PIK3CB: variants seen among roughly 807,000 people sequenced by gnomAD.
PIK3CB encodes phosphatidylinositol-4,5-bisphosphate 3-kinase catalytic subunit beta, also known as phosphatidylinositol 4,5-bisphosphate 3-kinase catalytic subunit beta isoform.
In PIK3CB, 39 loss-of-function variants were observed where a neutral mutation model predicts 136.8. That is an observed-to-expected ratio of 0.29 (90% CI 0.22 to 0.37). The LOEUF (loss-of-function observed/expected upper bound fraction) is 0.37. PIK3CB is among the 10% of genes least tolerant of loss of function. The probability of loss-of-function intolerance (pLI) is 1.00; values close to 1 mark genes in which losing one functional copy is unlikely to be tolerated. For synonymous variants in PIK3CB, 428 were observed against 436.6 expected (o/e 0.98, Z 0.25); for missense variants, 868 against 1,275.4 (o/e 0.68, Z 4.87).
At position 138,741,826 on chromosome 3, in the gene PIK3CB, T is replaced by TA. The variant is rs754247884; in HGVS notation, c.621+731dup. 6.2e-3 allele frequency among the ~76,000 whole-genome samples: 804 copies of TA among 129,672 alleles called. 3 individuals carry two copies. The highest frequency in any genetic ancestry group is 0.018 in the African/African-American group (628 of 34,908). The allele number at this position is 129,672 out of a possible 152,430, so 85.1% of individuals were successfully genotyped here. Reference sequence around the variant, plus strand: ...CTGGGCAACAGAGCAAGACTCCGTCTAAAAAAAAAAAAAAAAATCCTTGAG... The same window carrying TA: ...CTGGGCAACAGAGCAAGACTCCGTCTAAAAAAAAAAAAAAAAAATCCTTGAG... On this transcript the variant is annotated intron_variant, in intron 5 of 23. Transcript: ENST00000674063.
chr3:138,815,445 GA>G (rs1933285592), intron 1 of PIK3CB, among the ~76,000 whole-genome samples: 1 of 98,850 alleles, frequency 1.0e-5, no homozygotes, highest in Non-Finnish European at 2.3e-5. Flanking sequence ...AAAAAAAGAA[GA>G]AAGAGAATTA....
intron 1 of PIK3CB, among the ~76,000 whole-genome samples, chr3:138,815,154 A>AG (rs1168476986): frequency 8.2e-6 from 1 of 121,320 alleles, no homozygotes; most frequent in African/African-American, 3.3e-5. Flanking sequence ...AAAAAAAAAA[A>AG]AAAAAAAAAT....
chr3:138,825,809 C>T, intron 1 of PIK3CB: 1 of 971,146 alleles, frequency 1.0e-6, no homozygotes, highest in South Asian at 1.4e-5. Flanking sequence ...ACAACTGAAG[C>T]AGTCTGTTGA....
rs1213425637 is a variant in PIK3CB, at chr3:138,825,754, G to A, written c.-122+8941C>T. The A allele has an allele frequency of 5.5e-6, 4 of 723,022 alleles. No homozygotes were observed. The East Asian group carries it at 7.4e-5, about 13-fold the overall frequency. The allele number at this position is 723,022 out of a possible 1,614,324, so 44.8% of individuals were successfully genotyped here. A position where few individuals can be genotyped will look rare whatever the true frequency, so the allele number is the denominator to read the frequency against. ...GCCTATAGGCCAAGTGGAGACTGGTGTTCTCAAACCCGGAATGGTGGTCAC... is the reference window on the plus strand; with the variant it reads ...GCCTATAGGCCAAGTGGAGACTGGTATTCTCAAACCCGGAATGGTGGTCAC... On this transcript the variant is annotated intron_variant, in intron 1 of 23. Coordinates refer to ENST00000674063, the MANE Select transcript of PIK3CB (RefSeq NM_006219.3).
At chr3:138,747,057 TATATATATATATATATATA>T (rs2045370622) in intron 4 of PIK3CB, among the ~76,000 whole-genome samples, 1 of 1,944 alleles carries the variant, frequency 5.1e-4, no homozygotes, top group Non-Finnish European at 1.2e-3. Flanking sequence ...TCAGCCTTTA[TATATATATATATATATATA>T]TATATATATA....
In PIK3CB at chr3:138,724,424, T is replaced by C. The variant is rs77411190; in HGVS notation, c.1050+8937A>G. On this transcript the variant is annotated intron_variant, in intron 8 of 23. Transcript: ENST00000674063. ...GATATATTCACTAACCCAGAAGTCC[T>C]GCAAATCCCATTATTTAGGGTTTTT... 1.1e-4 allele frequency among the ~76,000 whole-genome samples: 17 copies of C among 152,292 alleles called. No individual in the cohort carries two copies. In the East Asian group the frequency reaches 2.7e-3, roughly 24 times the overall value.
chr3:138,746,520 G>T (rs2045357525), intron 4 of PIK3CB, among the ~76,000 whole-genome samples: 2 of 151,946 alleles, frequency 1.3e-5, no homozygotes, highest in Non-Finnish European at 2.9e-5. Context: ...AATTAGCCAA[G>T]AGTGGTGGCG....
chr3:138,784,883 C>T (rs2108798034), intron 2 of PIK3CB, among the ~76,000 whole-genome samples: 2 of 151,546 alleles, frequency 1.3e-5, no homozygotes, highest in South Asian at 4.2e-4. Context: ...TCTCCCTGGC[C>T]ACCCATGGTC....
chr3:138,714,857 A>C (rs377732611), intron 8 of PIK3CB, 138 bp from the exon 9 acceptor site: 1 of 778,314 alleles, frequency 1.3e-6, no homozygotes. Context: ...GGAAGAAGAA[A>C]CATGCCAAGT....
At chr3:138,755,562 T>C (rs2045549987) in intron 4 of PIK3CB, among the ~76,000 whole-genome samples, 192 bp downstream of exon 4, 1 of 152,162 alleles carries the variant, frequency 6.6e-6, no homozygotes, top group Non-Finnish European at 1.5e-5. Flanking sequence ...GGCAATATCA[T>C]ATTGCTAAAG....
At chr3:138,701,999 C>T (rs1006880157) in intron 12 of PIK3CB, among the ~76,000 whole-genome samples, 3 of 150,358 alleles carry the variant, frequency 2.0e-5, no homozygotes, top group African/African-American at 7.3e-5. Flanking sequence ...GAGATATTTA[C>T]ATATAAAGTT....
chr3:138,669,496 T>C lies in PIK3CB; in HGVS notation c.2505-4293A>G, dbSNP rs2043488654. ...TATGAAGTCTTAATGGAGGCAACTG[T>C]CAAAAAATTGATTTCACATGTATTT... On this transcript the variant is annotated intron_variant, in intron 19 of 23. Coordinates refer to ENST00000674063, the MANE Select transcript of PIK3CB (RefSeq NM_006219.3). Among the ~76,000 whole-genome samples, 3 of 151,292 alleles carry C rather than the reference T, an allele frequency of 2.0e-5. No homozygotes were observed. In the South Asian group the frequency reaches 6.3e-4, roughly 32 times the overall value.
chr3:138,714,787 GT>G, intron 8 of PIK3CB, 68 bp from the exon 9 acceptor site: 2 of 1,277,870 alleles, frequency 1.6e-6, no homozygotes, highest in Middle Eastern at 1.9e-4. Context: ...ATCTCTTTTT[GT>G]TTGTTTGTTT....
At chr3:138,663,568 G>C (rs1334073445) in intron 21 of PIK3CB, among the ~76,000 whole-genome samples, 1 of 152,074 alleles carries the variant, frequency 6.6e-6, no homozygotes, top group Non-Finnish European at 1.5e-5. Flanking sequence ...TTTTAGTAGA[G>C]ACGGGGTTTC....
chr3:138,688,343 T>C (rs1191845122), intron 16 of PIK3CB, among the ~76,000 whole-genome samples: 5 of 151,710 alleles, frequency 3.3e-5, no homozygotes, highest in African/African-American at 9.7e-5. Context: ...CTACTAAAAA[T>C]ACAAAATATT....
intron 1 of PIK3CB, among the ~76,000 whole-genome samples, chr3:138,812,999 C>T (rs1933143941): frequency 6.6e-6 from 1 of 152,138 alleles, no homozygotes. Context: ...AGTTTCGTGG[C>T]TGTGGTATCT....
chr3:138,822,141 A>T (rs1933586171), intron 1 of PIK3CB, among the ~76,000 whole-genome samples: 1 of 147,484 alleles, frequency 6.8e-6, no homozygotes, highest in Non-Finnish European at 1.5e-5. Flanking sequence ...CTGTCTCCAG[A>T]AAAAAAAAAA....
At chr3:138,760,547 G>A (rs903239835) in intron 2 of PIK3CB, among the ~76,000 whole-genome samples, 7 of 152,166 alleles carry the variant, frequency 4.6e-5, no homozygotes, top group African/African-American at 1.7e-4. Context: ...GGAAGAACAT[G>A]AGCGCTAAAG....
intron 3 of PIK3CB, among the ~76,000 whole-genome samples, chr3:138,756,739 G>A (rs1247157772): frequency 6.6e-6 from 1 of 152,050 alleles, no homozygotes; most frequent in Non-Finnish European, 1.5e-5. Flanking sequence ...AAAACATACA[G>A]GAGAAAGTAC....
Sources: gnomAD v4.1 joint callset for allele counts (sites outside exome capture counted in the v4.1 genomes callset) on GRCh38, gnomAD v4.1.1 for gene constraint, MANE v1.5 for transcripts, NCBI Gene and HGNC (gene_info 2026-07-23, HGNC 2026-07-21) for gene names.